The following ALK variants were observed in gnomAD, a reference collection of about 807,000 sequenced individuals.
ALK encodes the protein ALK receptor tyrosine kinase, also known as ALK tyrosine kinase receptor.
ALK carries 74 observed loss-of-function variants against 163.1 expected under a neutral mutation model. The ratio of observed to expected loss-of-function variants is 0.45; its 90% CI spans 0.38 to 0.55. The LOEUF is 0.55. Ranked by LOEUF, ALK falls within the 20% of genes least tolerant of loss-of-function variation. The pLI, the probability that ALK is intolerant of heterozygous loss-of-function variation, is 0.00. For synonymous variants in ALK, 960 were observed against 843.2 expected (o/e 1.14, Z -2.40); for missense variants, 2,063 against 2,105.3 (o/e 0.98, Z 0.39).
At chr2:29,841,310 C>T (rs1204019249) in intron 1 of ALK, among the ~76,000 whole-genome samples, 1 of 152,206 alleles carries the variant, frequency 6.6e-6, no homozygotes, top group Non-Finnish European at 1.5e-5. Flanking sequence ...TTATAAAGCT[C>T]TATCATCAGC....
chr2:29,691,944 C>T (rs1423543743), intron 3 of ALK, among the ~76,000 whole-genome samples: 2 of 152,100 alleles, frequency 1.3e-5, no homozygotes, highest in Non-Finnish European at 1.5e-5. Flanking sequence ...CACAGTTCCA[C>T]TCCTGGAATA....
intron 4 of ALK, among the ~76,000 whole-genome samples, chr2:29,491,535 G>A (rs1007102335): frequency 6.6e-5 from 10 of 152,250 alleles, no homozygotes; most frequent in Non-Finnish European, 8.8e-5. Context: ...ACCTGACAAC[G>A]GAGCTTTGAT....
rs569218638 is a variant in ALK at position 29,684,362 on chromosome 2, G to T, written c.952+10488C>A. 2.0e-4 allele frequency among the ~76,000 whole-genome samples: 30 copies of T among 152,274 alleles called. No homozygotes were observed. The South Asian group carries it at 3.5e-3, about 18-fold the overall frequency. On this transcript the variant is annotated intron_variant, in intron 3 of 28. Coordinates refer to ENST00000389048, the MANE Select transcript of ALK (RefSeq NM_004304.5). ...TTTAGAGACTGAGGTCTGATGTCAC[G>T]TGTCAGCCAACGCCAACCCAGCACT...
intron 4 of ALK, among the ~76,000 whole-genome samples, chr2:29,476,962 C>A (rs879280892): frequency 6.6e-6 from 1 of 152,164 alleles, no homozygotes; most frequent in African/African-American, 2.4e-5. Flanking sequence ...ATGCACCTCG[C>A]CTCACCCTCA....
At position 29,223,407 on chromosome 2, in the gene ALK, A is replaced by T. The variant is rs566982691; in HGVS notation, c.3294T>A (p.Phe1098Leu). ...IMTDYNPNYC[F>L]AGKTSSISDL... ...CACTGATGGAGGAGGTCTTGCCAGC[A>T]AAGCAGTAGTTGGGGTTGTAGTCGG... The change falls in exon 20 of 29, where the codon TTT becomes TTA. Residue 1098 changes from phenylalanine (F) to leucine (L), a missense_variant. Physicochemically the swap from Phe to Leu is conservative, Grantham distance 22. This residue lies in a region of ALK where 575 missense variants were observed against 626.6 expected (regional missense o/e 0.92). Coordinates refer to ENST00000389048, the MANE Select transcript of ALK (RefSeq NM_004304.5). 1.2e-6 allele frequency: 2 copies of T among 1,614,174 alleles called. No individual in the cohort carries two copies. Among genetic ancestry groups the T allele is most frequent in the South Asian group, 2.2e-5 (2 of 91,086 alleles).
intron 1 of ALK, among the ~76,000 whole-genome samples, chr2:29,826,486 G>T (rs1233710811): frequency 6.6e-6 from 1 of 150,728 alleles, no homozygotes; most frequent in African/African-American, 2.4e-5. Flanking sequence ...GTCTTTACCA[G>T]TCTCTCTCTC....
intron 1 of ALK, among the ~76,000 whole-genome samples, chr2:29,873,633 A>C (rs935823800): frequency 6.6e-6 from 1 of 152,180 alleles, no homozygotes; most frequent in African/African-American, 2.4e-5. Flanking sequence ...AATTCTAGGA[A>C]GAGAATTGAG....
intron 3 of ALK, among the ~76,000 whole-genome samples, chr2:29,664,321 T>C (rs1351810759): frequency 6.6e-6 from 1 of 152,184 alleles, no homozygotes; most frequent in Non-Finnish European, 1.5e-5. Flanking sequence ...TTAAAAATAA[T>C]GACGTTACTA....
At chr2:29,301,982 T>C (rs1666385975) in intron 8 of ALK, among the ~76,000 whole-genome samples, 1 of 152,244 alleles carries the variant, frequency 6.6e-6, no homozygotes, top group Admixed American at 6.5e-5. Flanking sequence ...GCATACTCTG[T>C]TCTTGAAGAT....
intron 1 of ALK, among the ~76,000 whole-genome samples, chr2:29,731,633 C>T (rs958757412): frequency 5.3e-5 from 8 of 152,186 alleles, no homozygotes; most frequent in Admixed American, 3.9e-4. Flanking sequence ...GTAGGTCACA[C>T]TCAGGCAGCA....
chr2:29,406,163 G>A (rs1669579160), intron 4 of ALK, among the ~76,000 whole-genome samples: 2 of 152,180 alleles, frequency 1.3e-5, no homozygotes, highest in Non-Finnish European at 2.9e-5. Context: ...TGATGAGCAC[G>A]ACCTTGGGAC....
At position 29,282,688 on chromosome 2, in the gene ALK, G is replaced by A. The variant is rs151125404; in HGVS notation, c.1818-7192C>T. Among the ~76,000 whole-genome samples, 844 of 152,332 alleles carry A rather than the reference G, an allele frequency of 5.5e-3. 6 individuals carry two copies. The highest frequency in any genetic ancestry group is 0.019 in the African/African-American group (802 of 41,582). ...TTCCAGGGCTTTCAAGGGCCATAGA[G>A]ATCTTTCACAATGAGTCTGGCTTGG... On this transcript the variant is annotated intron_variant, in intron 9 of 28. Transcript: ENST00000389048.
intron 3 of ALK, among the ~76,000 whole-genome samples, chr2:29,598,908 C>T (rs1189780132): frequency 1.3e-5 from 2 of 151,958 alleles, no homozygotes; most frequent in Non-Finnish European, 2.9e-5. Context: ...GCACCTTAAG[C>T]CATCTCTTTT....
At chr2:29,231,261 C>T (rs554695257) in intron 15 of ALK, among the ~76,000 whole-genome samples, 1 of 152,348 alleles carries the variant, frequency 6.6e-6, no homozygotes. Flanking sequence ...TCGCTTGAAC[C>T]TGCAAGTCAG....
At chr2:29,232,197 C>A in intron 15 of ALK, 107 bp downstream of exon 15, 2 of 1,468,930 alleles carry the variant, frequency 1.4e-6, no homozygotes, top group Non-Finnish European at 9.5e-7. Flanking sequence ...GAGCTCCTAG[C>A]ATCCCAGGTG....
chr2:29,702,700 T>A (rs1365471097), intron 2 of ALK, among the ~76,000 whole-genome samples: 1 of 152,182 alleles, frequency 6.6e-6, no homozygotes, highest in Admixed American at 6.5e-5. Flanking sequence ...AGCCTCACAA[T>A]CATGGCAGAA....
At chr2:29,574,056 T>C (rs987657064) in intron 3 of ALK, among the ~76,000 whole-genome samples, 1 of 39,742 alleles carries the variant, frequency 2.5e-5, no homozygotes, top group African/African-American at 6.2e-5. Flanking sequence ...ACCCCCTATC[T>C]GAAAAAAATA....
intron 1 of ALK, among the ~76,000 whole-genome samples, chr2:29,797,953 C>A (rs898409820): frequency 6.6e-6 from 1 of 152,044 alleles, no homozygotes; most frequent in Non-Finnish European, 1.5e-5. Context: ...GAGCCACCTG[C>A]GGAAGGCCAC....
chr2:29,788,050 A>G (rs1010526614), intron 1 of ALK, among the ~76,000 whole-genome samples: 3 of 152,340 alleles, frequency 2.0e-5, no homozygotes, highest in Non-Finnish European at 4.4e-5. Context: ...AAGTTTCTTG[A>G]AACAAGCAGT....
Sources: gnomAD v4.1 joint callset for allele counts (sites outside exome capture counted in the v4.1 genomes callset) on GRCh38, gnomAD v4.1.1 for gene constraint, gnomAD v4.1.1 regional missense constraint, MANE v1.5 for transcripts, NCBI Gene and HGNC (gene_info 2026-07-23, HGNC 2026-07-21) for gene names.